Variants in TRIO observed in about 807,000 individuals in gnomAD.
TRIO encodes the protein trio Rho guanine nucleotide exchange factor.
Under a neutral mutation model 351.9 loss-of-function variants are expected in TRIO, and 58 were observed. That is an observed-to-expected ratio of 0.16 (90% confidence interval 0.13 to 0.21). TRIO has a LOEUF of 0.21. Ranked by LOEUF, TRIO falls within the 10% of genes least tolerant of loss-of-function variation. The pLI is 1.00. For missense variants in TRIO, 3,201 were observed against 4,027.8 expected (o/e 0.79, Z 5.56); for synonymous variants, 1,758 against 1,595.7 (o/e 1.10, Z -2.42).
At chr5:14,229,142 C>G (rs1793238492) in intron 1 of TRIO, among the ~76,000 whole-genome samples, 1 of 152,162 alleles carries the variant, frequency 6.6e-6, no homozygotes, top group Non-Finnish European at 1.5e-5. Flanking sequence ...CTAAAACACA[C>G]CAGGGTATGT....
At chr5:14,320,467 C>A (rs1351817216) in intron 9 of TRIO, among the ~76,000 whole-genome samples, 1 of 152,150 alleles carries the variant, frequency 6.6e-6, no homozygotes, top group African/African-American at 2.4e-5. Flanking sequence ...TAGAGGAAGC[C>A]CCTCAGCAGG....
intron 1 of TRIO, chr5:14,183,926 G>C: frequency 2.9e-6 from 2 of 697,040 alleles, no homozygotes; most frequent in Non-Finnish European, 5.2e-6. Context: ...TTTTAAAAAA[G>C]ATTAATAAAT....
At chr5:14,255,684 T>C (rs1229881685) in intron 1 of TRIO, among the ~76,000 whole-genome samples, 1 of 152,252 alleles carries the variant, frequency 6.6e-6, no homozygotes, top group Non-Finnish European at 1.5e-5. Flanking sequence ...ATTTGTGTTT[T>C]GTATATACCT....
chr5:14,305,056 CT>C (rs1738240699), intron 8 of TRIO, among the ~76,000 whole-genome samples: 2 of 152,158 alleles, frequency 1.3e-5, no homozygotes, highest in Admixed American at 6.5e-5. Flanking sequence ...TAGTGAATCC[CT>C]GTTTTATTTT....
intron 34 of TRIO, among the ~76,000 whole-genome samples, chr5:14,441,562 G>A (rs759286257): frequency 6.6e-6 from 1 of 152,210 alleles, no homozygotes. Context: ...GGAATGTGAG[G>A]AGCAACTGGG....
Position 14,461,287 on chromosome 5 carries a change from C to A in TRIO, c.5472C>A (p.Thr1824=). 6.3e-7 allele frequency: 1 copy of A among 1,591,698 alleles called. No homozygotes were observed. Among genetic ancestry groups the A allele is most frequent in the South Asian group, 1.1e-5 (1 of 88,534 alleles). Residue 1824 remains threonine (T), a synonymous_variant, in exon 35 of 57, where the codon ACC becomes ACA. Transcript: ENST00000344204. The part of the protein sequence containing the change: ...SQKDSDDSAA[T]PQDETVEERG... ...AGGACTCCGACGACAGTGCGGCCACCCCGCAGGACGAGACGGTCGAGGAGG... is the reference window on the plus strand; with the variant it reads ...AGGACTCCGACGACAGTGCGGCCACACCGCAGGACGAGACGGTCGAGGAGG...
rs941920458 is a variant in TRIO at position 14,359,664 on chromosome 5, G to T, written c.2391+133G>T. On this transcript the variant is annotated intron_variant, in intron 13 of 56. Coordinates refer to ENST00000344204, the MANE Select transcript of TRIO (RefSeq NM_007118.4). Reference sequence around the variant, plus strand: ...ACACCCCAACCCTCTGCACCAGGAGGGGGTGTGGGAGGGAGAGAGGGTCCC... The same window carrying T: ...ACACCCCAACCCTCTGCACCAGGAGTGGGTGTGGGAGGGAGAGAGGGTCCC... 5 of 1,126,972 alleles carry T rather than the reference G, an allele frequency of 4.4e-6. No individual in the cohort carries two copies. The African/African-American group carries it at 6.3e-5, about 14-fold the overall frequency. The allele number at this position is 1,126,972 out of a possible 1,614,324, so 69.8% of individuals were successfully genotyped here. A position where few individuals can be genotyped will look rare whatever the true frequency, so the allele number is the denominator to read the frequency against.
At chr5:14,214,953 T>G (rs1222173514) in intron 1 of TRIO, among the ~76,000 whole-genome samples, 1 of 152,242 alleles carries the variant, frequency 6.6e-6, no homozygotes, top group Non-Finnish European at 1.5e-5. Context: ...GAAGTGCCTT[T>G]AAAAACTTGA....
At chr5:14,405,435 G>T (rs753060511) in intron 31 of TRIO, among the ~76,000 whole-genome samples, 3 of 152,308 alleles carry the variant, frequency 2.0e-5, no homozygotes, top group African/African-American at 7.2e-5. Flanking sequence ...AAAGGAGGCC[G>T]CAAGGCTGTG....
Position 14,474,120 on chromosome 5 carries a change from C to T in TRIO, c.6083+23C>T, listed in dbSNP as rs763946311. On this transcript the variant is annotated intron_variant, in intron 40 of 56. Coordinates refer to ENST00000344204, the MANE Select transcript of TRIO (RefSeq NM_007118.4). ...AGAGTACGTAAACATGCATTGTGCC[C>T]GATGGTGTGCAAAGCAGCCACACTT... The T allele has an allele frequency of 1.8e-5, 28 of 1,598,970 alleles. No individual in the cohort carries two copies. In the East Asian group the frequency reaches 2.0e-4, roughly 12 times the overall value.
At chr5:14,314,171 T>C (rs1274501191) in intron 8 of TRIO, among the ~76,000 whole-genome samples, 4 of 152,234 alleles carry the variant, frequency 2.6e-5, no homozygotes, top group African/African-American at 4.8e-5. Flanking sequence ...TCCAATGATA[T>C]AACACAAATT....
rs749422883 is a variant in TRIO, at chr5:14,488,002, C to G, written c.7374C>G (p.Asn2458Lys). 11 of 1,573,802 alleles carry G rather than the reference C, an allele frequency of 7.0e-6. No homozygotes were observed. The Middle Eastern group carries it at 5.3e-4, about 76-fold the overall frequency. ...GGGCCGGGGCCGCTTCGCCGCTGAACTCGCCGCTCTCCAGCGCGGTCCCTT... is the reference window on the plus strand; with the variant it reads ...GGGCCGGGGCCGCTTCGCCGCTGAAGTCGCCGCTCTCCAGCGCGGTCCCTT... The part of the protein sequence containing the change: ...KPRAGAASPL[N>K]SPLSSAVPSL... Residue 2458 changes from asparagine to lysine, a missense_variant, in exon 48 of 57, where the codon AAC (asparagine) becomes AAG (lysine). Around this residue, in one of 19 missense-constraint regions of TRIO, gnomAD observed 1,089 missense variants for 954.9 expected, o/e 1.14. Transcript: ENST00000344204.
intron 3 of TRIO, among the ~76,000 whole-genome samples, chr5:14,281,605 G>C (rs991094219): frequency 2.6e-5 from 4 of 152,088 alleles, no homozygotes; most frequent in Non-Finnish European, 5.9e-5. Flanking sequence ...ATAATCTAAG[G>C]ATACAGTCAT....
At chr5:14,368,320 T>G (rs953285497) in intron 16 of TRIO, among the ~76,000 whole-genome samples, 4 of 152,232 alleles carry the variant, frequency 2.6e-5, no homozygotes, top group African/African-American at 9.6e-5. Flanking sequence ...CTGGCCACCT[T>G]TTCTCTGCTT....
At chr5:14,407,289 A>G (rs1297037765) in intron 33 of TRIO, among the ~76,000 whole-genome samples, 1 of 152,150 alleles carries the variant, frequency 6.6e-6, no homozygotes, top group Non-Finnish European at 1.5e-5. Flanking sequence ...GTGACTAGGA[A>G]GTTGTCACTC....
intron 14 of TRIO, among the ~76,000 whole-genome samples, chr5:14,364,378 C>A (rs575757440): frequency 1.3e-5 from 2 of 151,846 alleles, no homozygotes; most frequent in African/African-American, 4.8e-5. Context: ...AGGATAACAA[C>A]AAAAAAAACC....
rs553679554 is a variant in TRIO, at chr5:14,441,957, G to A, written c.5204-19062G>A. On this transcript the variant is annotated intron_variant, in intron 34 of 56. Transcript: ENST00000344204. ...GACGTGAAGATGTGATTCCTGCAAA[G>A]GTTATTTGAGAGGTCGGTAAGCTTC... Among the ~76,000 whole-genome samples the A allele has an allele frequency of 9.8e-5, 15 of 152,330 alleles. No homozygotes were observed. In the South Asian group the frequency reaches 3.1e-3, roughly 32 times the overall value.
chr5:14,256,906 A>C (rs1795051849), intron 1 of TRIO, among the ~76,000 whole-genome samples: 1 of 152,202 alleles, frequency 6.6e-6, no homozygotes, highest in African/African-American at 2.4e-5. Context: ...CTTTAAACAA[A>C]TGAGTTCAGC....
chr5:14,490,255 G>A (rs1248681204), intron 48 of TRIO, among the ~76,000 whole-genome samples: 1 of 152,224 alleles, frequency 6.6e-6, no homozygotes, highest in African/African-American at 2.4e-5. Flanking sequence ...CTCCAGCCTG[G>A]ATGACAGAGG....
Sources: allele counts gnomAD v4.1 joint callset (sites outside exome capture counted in the v4.1 genomes callset), GRCh38; gene constraint gnomAD v4.1.1; regional missense constraint gnomAD v4.1.1; transcripts MANE v1.5; gene names NCBI Gene and HGNC (gene_info 2026-07-23, HGNC 2026-07-21).